SLC22A25: variants seen among roughly 807,000 people sequenced by gnomAD.
The protein encoded by SLC22A25 is solute carrier family 22 member 25.
A neutral mutation model predicts 45.9 loss-of-function variants in SLC22A25; 44 were observed. The ratio of observed to expected loss-of-function variants is 0.96; its 90% CI spans 0.75 to 1.23. The LOEUF is 1.23. Ranked by LOEUF, SLC22A25 falls within the 50% of genes most tolerant of loss-of-function variation. SLC22A25 has a pLI of 0.00. For missense variants in SLC22A25, 800 were observed against 666.4 expected (o/e 1.20, Z -2.21); for synonymous variants, 283 against 238.6 (o/e 1.19, Z -1.72).
chr11:63,183,963 T>C lies in SLC22A25; in HGVS notation c.831-146A>G, dbSNP rs537160855. The C allele has an allele frequency of 3.4e-5, 39 of 1,152,658 alleles. No homozygotes were observed. In the South Asian group the frequency reaches 5.0e-4, roughly 15 times the overall value. The allele number at this position is 1,152,658 out of a possible 1,614,324, so 71.4% of individuals were successfully genotyped here. On this transcript the variant is annotated intron_variant, in intron 7 of 11. Coordinates refer to ENST00000306494, the MANE Select transcript of SLC22A25 (RefSeq NM_199352.6). ...GGAAATAAAAGCCTACATTCTCTTG[T>C]GCCATCACCAGGAAAATGTAAGGGT...
intron 9 of SLC22A25, among the ~76,000 whole-genome samples, chr11:63,175,824 T>C (rs2088065537): frequency 6.6e-6 from 1 of 151,560 alleles, no homozygotes; most frequent in Non-Finnish European, 1.5e-5. Flanking sequence ...AAATTGGGTG[T>C]GTATATATAT....
intron 3 of SLC22A25, among the ~76,000 whole-genome samples, chr11:63,232,372 G>C (rs55962032): frequency 0.026 from 3,882 of 152,140 alleles, 68 homozygotes; most frequent in Middle Eastern, 0.051. Context: ...TGGATTCCTA[G>C]GTATTTTATT....
Position 63,234,380 on chromosome 11 carries a change from A to G in SLC22A25, c.-445+3501T>C, listed in dbSNP as rs979505689. Among the ~76,000 whole-genome samples, 260 of 152,172 alleles carry G rather than the reference A, an allele frequency of 1.7e-3. 1 individual carries two copies. Among genetic ancestry groups the G allele is most frequent in the Non-Finnish European group, 2.9e-3 (196 of 67,998 alleles). On this transcript the variant is annotated intron_variant, in intron 3 of 11. Coordinates refer to ENST00000306494, the MANE Select transcript of SLC22A25 (RefSeq NM_199352.6). ...CTCTTCTTGTTGAATTGATCCCTTT[A>G]CCATTATGTAATGGCCTTCTTTGTC...
intron 7 of SLC22A25, among the ~76,000 whole-genome samples, chr11:63,204,254 T>C (rs1339379139): frequency 6.6e-6 from 1 of 152,168 alleles, no homozygotes; most frequent in Non-Finnish European, 1.5e-5. Flanking sequence ...CATCAACTAA[T>C]GGGCAAAATA....
chr11:63,243,459 C>A lies in SLC22A25; in HGVS notation c.-1021G>T. 1 of 759,386 alleles carries A rather than the reference C, an allele frequency of 1.3e-6. No homozygotes were observed. Among genetic ancestry groups the A allele is most frequent in the Non-Finnish European group, 2.5e-6 (1 of 405,134 alleles). The allele number at this position is 759,386 out of a possible 1,614,324, so 47.0% of individuals were successfully genotyped here. A position where few individuals can be genotyped will look rare whatever the true frequency, so the allele number is the denominator to read the frequency against. On this transcript the variant is annotated 5_prime_UTR_variant, in exon 1 of 12. Transcript: ENST00000306494. ...CTGGACTGTTTCTTCGCCAGGATCC[C>A]AACTTCAAAGTCCCATCTGCAACTC...
At chr11:63,203,128 C>A (rs1211721344) in intron 7 of SLC22A25, among the ~76,000 whole-genome samples, 1 of 152,128 alleles carries the variant, frequency 6.6e-6, no homozygotes, top group African/African-American at 2.4e-5. Flanking sequence ...ACAAAAAGTA[C>A]AATCACACAA....
chr11:63,219,645 C>T (rs544385577), intron 5 of SLC22A25, among the ~76,000 whole-genome samples: 1 of 152,258 alleles, frequency 6.6e-6, no homozygotes, highest in South Asian at 2.1e-4. Flanking sequence ...ATGGCTGTCT[C>T]TGCATATGAT....
intron 7 of SLC22A25, among the ~76,000 whole-genome samples, chr11:63,215,222 C>T (rs2089679509): frequency 6.6e-6 from 1 of 152,134 alleles, no homozygotes; most frequent in Non-Finnish European, 1.5e-5. Flanking sequence ...GAAAATGTGG[C>T]ACATATACAC....
chr11:63,198,129 C>T (rs1428770377), intron 7 of SLC22A25, among the ~76,000 whole-genome samples: 1 of 152,162 alleles, frequency 6.6e-6, no homozygotes, highest in Non-Finnish European at 1.5e-5. Context: ...GTTGGTGAGA[C>T]TGTAAACTAG....
chr11:63,190,445 T>C (rs920271436), intron 7 of SLC22A25, among the ~76,000 whole-genome samples: 1 of 152,122 alleles, frequency 6.6e-6, no homozygotes, highest in Non-Finnish European at 1.5e-5. Context: ...TAGCCATTCG[T>C]CTAATTTTTT....
intron 7 of SLC22A25, among the ~76,000 whole-genome samples, chr11:63,207,785 C>T (rs2089446814): frequency 2.0e-5 from 3 of 152,194 alleles, no homozygotes. Context: ...GGTCACTAGA[C>T]AGATAAACTC....
At chr11:63,189,115 T>C (rs1236814953) in intron 7 of SLC22A25, among the ~76,000 whole-genome samples, 1 of 152,190 alleles carries the variant, frequency 6.6e-6, no homozygotes, top group Admixed American at 6.6e-5. Flanking sequence ...ACTTTCTGTC[T>C]CATTGATCTG....
At chr11:63,221,564 C>G (rs796756527) in intron 5 of SLC22A25, among the ~76,000 whole-genome samples, 13 of 152,194 alleles carry the variant, frequency 8.5e-5, no homozygotes, top group African/African-American at 2.4e-4. Context: ...CAAAATTCCT[C>G]CCATTCTGTG....
chr11:63,182,742 A>G (rs1468758268), intron 8 of SLC22A25, among the ~76,000 whole-genome samples: 1 of 152,068 alleles, frequency 6.6e-6, no homozygotes, highest in Admixed American at 6.6e-5. Flanking sequence ...CTCCTTTTGA[A>G]GGAGCTGTGC....
In SLC22A25 at chr11:63,162,547, T is replaced by C. The variant is rs979805410; in HGVS notation, c.*1277A>G. Among the ~76,000 whole-genome samples the C allele has an allele frequency of 6.6e-6, 1 of 152,150 alleles. No homozygotes were observed. Among genetic ancestry groups the C allele is most frequent in the African/African-American group, 2.4e-5 (1 of 41,454 alleles). On this transcript the variant is annotated 3_prime_UTR_variant, in exon 12 of 12. Coordinates refer to ENST00000306494, the MANE Select transcript of SLC22A25 (RefSeq NM_199352.6). ...GTATGCAGCTTGAAAATGAGGTTTT[T>C]CCACTTTTTTCATTTTTTACATTGT... is the stretch of plus-strand genomic sequence containing the variant.
intron 7 of SLC22A25, among the ~76,000 whole-genome samples, chr11:63,192,683 G>T (rs1221050113): frequency 1.3e-5 from 2 of 152,182 alleles, no homozygotes; most frequent in Non-Finnish European, 2.9e-5. Context: ...ACCAGGGGTT[G>T]CAATCCTACT....
intron 3 of SLC22A25, among the ~76,000 whole-genome samples, chr11:63,233,817 G>C (rs1208431268): frequency 6.6e-6 from 1 of 152,186 alleles, no homozygotes; most frequent in African/African-American, 2.4e-5. Context: ...ATGTGTCCCA[G>C]AGATTCTGGT....
At chr11:63,181,741 T>G (rs538905573) in intron 8 of SLC22A25, among the ~76,000 whole-genome samples, 1 of 152,054 alleles carries the variant, frequency 6.6e-6, no homozygotes, top group African/African-American at 2.4e-5. Flanking sequence ...CATCCTATAT[T>G]TATCAGGTTA....
intron 7 of SLC22A25, among the ~76,000 whole-genome samples, chr11:63,209,019 C>A (rs2089486260): frequency 6.6e-6 from 1 of 152,098 alleles, no homozygotes; most frequent in Non-Finnish European, 1.5e-5. Flanking sequence ...GTGATTATGG[C>A]ATGAAACTGG....
Sources: gnomAD v4.1 joint callset for allele counts (sites outside exome capture counted in the v4.1 genomes callset) on GRCh38, gnomAD v4.1.1 for gene constraint, MANE v1.5 for transcripts, NCBI Gene and HGNC (gene_info 2026-07-23, HGNC 2026-07-21) for gene names.